The following IL1R1 variants were observed in gnomAD, a reference collection of about 807,000 sequenced individuals.
IL1R1 encodes the protein interleukin 1 receptor type 1, also known as interleukin-1 receptor type 1.
In IL1R1, 22 loss-of-function variants were observed where a neutral mutation model predicts 50.2. The ratio of observed to expected loss-of-function variants is 0.44; its 90% CI spans 0.31 to 0.63. IL1R1 has a LOEUF of 0.63. Ranked by LOEUF, IL1R1 falls within the 20% of genes least tolerant of loss-of-function variation. IL1R1 has a pLI of 0.07. For missense variants in IL1R1, 509 were observed against 676.2 expected, an observed-to-expected ratio of 0.75 and a Z score of 2.74; for synonymous variants, 251 against 236.7, an observed-to-expected ratio of 1.06 and a Z score of -0.55.
At chr2:102,136,611 C>T (rs1172918124) in intron 1 of IL1R1, among the ~76,000 whole-genome samples, 8 of 152,124 alleles carry the variant, frequency 5.3e-5, no homozygotes, top group South Asian at 4.2e-4. Flanking sequence ...CCCCTGACCT[C>T]GTGATCTACC....
chr2:102,145,696 A>G (rs773868320), intron 1 of IL1R1, among the ~76,000 whole-genome samples: 6 of 152,222 alleles, frequency 3.9e-5, no homozygotes, highest in Non-Finnish European at 8.8e-5. Flanking sequence ...AGATGCTGCT[A>G]AAGTTACTCA....
intron 6 of IL1R1, among the ~76,000 whole-genome samples, chr2:102,168,107 T>G (rs1685358398): frequency 6.6e-6 from 1 of 152,206 alleles, no homozygotes; most frequent in African/African-American, 2.4e-5. Flanking sequence ...GATTAATTTC[T>G]GGGGCTTCTT....
rs115079393 is a variant in IL1R1 at position 102,128,125 on chromosome 2, T to C, written c.-84+23253T>C. ...ATTTGTGTCGAAATACCCTCCTTTT[T>C]AAATGTGGTTTTGGTTGATGCTTTT... is the stretch of plus-strand genomic sequence containing the variant. On this transcript the variant is annotated intron_variant, in intron 1 of 10. Coordinates refer to the IL1R1 transcript ENST00000409329. Among the ~76,000 whole-genome samples, 1,014 of 152,334 alleles carry C rather than the reference T, an allele frequency of 6.7e-3. 14 individuals carry two copies. Among genetic ancestry groups the C allele is most frequent in the African/African-American group, 0.023 (972 of 41,564 alleles).
chr2:102,161,425 T>C (rs910535092), intron 3 of IL1R1, among the ~76,000 whole-genome samples: 39 of 152,230 alleles, frequency 2.6e-4, no homozygotes, highest in Non-Finnish European at 5.4e-4. Context: ...GGTTGGAATT[T>C]TCTGCAAATA....
At chr2:102,165,761 G>A (rs1170969212) in intron 5 of IL1R1, among the ~76,000 whole-genome samples, 1 of 152,084 alleles carries the variant, frequency 6.6e-6, no homozygotes, top group Non-Finnish European at 1.5e-5. Flanking sequence ...ACTTAAATGG[G>A]GAATCATCTT....
intron 1 of IL1R1, among the ~76,000 whole-genome samples, chr2:102,123,393 G>C (rs1681508901): frequency 6.6e-6 from 1 of 152,134 alleles, no homozygotes; most frequent in Non-Finnish European, 1.5e-5. Context: ...AAACAAATTA[G>C]AGTAAATCAA....
At chr2:102,129,447 A>G (rs1218858800) in intron 1 of IL1R1, among the ~76,000 whole-genome samples, 1 of 152,226 alleles carries the variant, frequency 6.6e-6, no homozygotes, top group East Asian at 1.9e-4. Flanking sequence ...ATAAGGGCCA[A>G]TTATTGAGCA....
upstream of IL1R1, among the ~76,000 whole-genome samples, chr2:102,100,443 G>A (rs576163715): frequency 2.8e-4 from 43 of 152,284 alleles, no homozygotes; most frequent in Non-Finnish European, 4.1e-4. Flanking sequence ...ATTTACCATT[G>A]AGTATGGGTG....
chr2:102,077,440 T>G (rs1257226017), intron 1 of IL1R1, among the ~76,000 whole-genome samples: 4 of 152,248 alleles, frequency 2.6e-5, no homozygotes, highest in African/African-American at 9.6e-5. Context: ...TTCTCAAATC[T>G]AAGATACAGC....
rs1682763217 is a variant in IL1R1 at position 102,142,759 on chromosome 2, G to A, written c.-345G>A. On this transcript the variant is annotated 5_prime_UTR_variant, in exon 1 of 12. Coordinates refer to ENST00000410023, the MANE Select transcript of IL1R1 (RefSeq NM_000877.4). ...GCCGCGCCCGGCAGTTCCCGGCCGC[G>A]AGGGCGGGCGCAGCTTGTGGCCGGC... 6.7e-6 allele frequency: 1 copy of A among 149,676 alleles called. No individual in the cohort carries two copies. The highest frequency in any genetic ancestry group is 2.1e-4 in the South Asian group (1 of 4,828). The allele number at this position is 149,676 out of a possible 1,614,324, so 9.3% of individuals were successfully genotyped here. A position where few individuals can be genotyped will look rare whatever the true frequency, so the allele number is the denominator to read the frequency against.
chr2:102,176,712 G>T lies in IL1R1; in HGVS notation c.1663G>T (p.Ala555Ser), dbSNP rs1339342315. Residue 555 changes from alanine (A) to serine (S), a missense_variant, in exon 12 of 12, where the codon GCC (alanine) becomes TCC (serine). Transcript: ENST00000410023. ...PSSKHQLLSP[A>S]TKEKLQREAH... ...ATCTAAACACCAGTTACTGTCACCA[G>T]CCACTAAGGAGAAACTGCAAAGAGA... The T allele has an allele frequency of 6.2e-7, 1 of 1,614,048 alleles. No homozygotes were observed. Among genetic ancestry groups the T allele is most frequent in the African/African-American group, 1.3e-5 (1 of 74,908 alleles).
intron 1 of IL1R1, among the ~76,000 whole-genome samples, chr2:102,117,116 C>T (rs1282857541): frequency 6.6e-6 from 1 of 152,190 alleles, no homozygotes; most frequent in Non-Finnish European, 1.5e-5. Flanking sequence ...TCCTTTTTCT[C>T]ATCAAACCGC....
intron 1 of IL1R1, among the ~76,000 whole-genome samples, chr2:102,129,542 G>T (rs980143815): frequency 6.6e-6 from 1 of 152,190 alleles, no homozygotes; most frequent in Non-Finnish European, 1.5e-5. Flanking sequence ...GGCAGGATTT[G>T]TACCCCCTAA....
intron 1 of IL1R1, among the ~76,000 whole-genome samples, chr2:102,073,244 C>T (rs1678814467): frequency 6.6e-6 from 1 of 152,136 alleles, no homozygotes; most frequent in Non-Finnish European, 1.5e-5. Context: ...ACCACGGATA[C>T]AATACGGTGA....
intron 1 of IL1R1, among the ~76,000 whole-genome samples, chr2:102,072,086 C>T (rs893253824): frequency 1.1e-4 from 17 of 151,494 alleles, no homozygotes; most frequent in Admixed American, 5.3e-4. Flanking sequence ...GGCAAAACCC[C>T]GTCTCTAGTA....
At chr2:102,171,757 G>T in intron 7 of IL1R1, 44 bp from the exon 8 acceptor site, 1 of 1,184,654 alleles carries the variant, frequency 8.4e-7, no homozygotes, top group South Asian at 1.4e-5. Flanking sequence ...AGATAGATCA[G>T]AAAAAATCAA....
chr2:102,125,332 T>C (rs1006674477), intron 1 of IL1R1, among the ~76,000 whole-genome samples: 1 of 152,238 alleles, frequency 6.6e-6, no homozygotes, highest in Non-Finnish European at 1.5e-5. Flanking sequence ...TTCTTCATCA[T>C]ATTTGCATCA....
At chr2:102,084,675 A>T (rs1679362811) in intron 1 of IL1R1, among the ~76,000 whole-genome samples, 1 of 152,230 alleles carries the variant, frequency 6.6e-6, no homozygotes, top group Non-Finnish European at 1.5e-5. Flanking sequence ...TTTTTGGCTA[A>T]TAAATATAGG....
intron 1 of IL1R1, among the ~76,000 whole-genome samples, chr2:102,112,815 C>G (rs149547848): frequency 6.6e-6 from 1 of 152,100 alleles, no homozygotes; most frequent in African/African-American, 2.4e-5. Flanking sequence ...CCACTAAATT[C>G]CTATGTTGAA....
Sources: gnomAD v4.1 joint callset for allele counts (sites outside exome capture counted in the v4.1 genomes callset) on GRCh38, gnomAD v4.1.1 for gene constraint, MANE v1.5 for transcripts, NCBI Gene and HGNC (gene_info 2026-07-23, HGNC 2026-07-21) for gene names.